The following PAAF1 variants were observed in gnomAD, a reference collection of about 807,000 sequenced individuals.
PAAF1 encodes proteasomal ATPase-associated factor 1.
PAAF1 carries 46 observed loss-of-function variants against 52.8 expected under a neutral mutation model. That is an observed-to-expected ratio of 0.87 (90% CI 0.69 to 1.11). The LOEUF (loss-of-function observed/expected upper bound fraction) is 1.11. Among genes scored for constraint, PAAF1 ranks in the 50% most tolerant of loss-of-function variants. PAAF1 has a pLI of 0.00. For synonymous variants in PAAF1, 178 were observed against 172.8 expected (o/e 1.03, Z -0.24); for missense variants, 424 against 477.4 (o/e 0.89, Z 1.04).
chr11:73,919,125 A>G, intron 10 of PAAF1, 93 bp downstream of exon 10: 1 of 1,057,658 alleles, frequency 9.5e-7, no homozygotes, highest in Non-Finnish European at 1.4e-6. Context: ...GGGTTGGGGC[A>G]TGGTCCCCCA....
In PAAF1 at chr11:73,916,534, C is replaced by T; in HGVS notation, c.820-11C>T. Reference sequence around the variant, plus strand: ...CTTTAAACAGCATTTTTGCCTCCTACTTGTTCCCAGGTGTTCCTCTTTATT... The same window carrying T: ...CTTTAAACAGCATTTTTGCCTCCTATTTGTTCCCAGGTGTTCCTCTTTATT... On this transcript the variant is annotated splice_polypyrimidine_tract_variant and intron_variant, in intron 8 of 11. Transcript: ENST00000310571. 1 of 1,588,358 alleles carries T rather than the reference C, an allele frequency of 6.3e-7. No homozygotes were observed. Among genetic ancestry groups the T allele is most frequent in the Non-Finnish European group, 8.6e-7 (1 of 1,162,964 alleles).
In PAAF1 at chr11:73,891,130, T is replaced by C; in HGVS notation, c.211T>C (p.Cys71Arg). 2 of 1,597,102 alleles carry C rather than the reference T, an allele frequency of 1.3e-6. No homozygotes were observed. Among genetic ancestry groups the C allele is most frequent in the East Asian group, 2.2e-5 (1 of 44,710 alleles). The part of the protein sequence containing the change: ...EINKKSIHIS[C>R]PKENASSKFL... ...TGTTTAGAAAAGCATTCATATTTCA[T>C]GTCCAAAGGAAAATGCATCTTCTAA... Residue 71 changes from cysteine to arginine, a missense_variant, in exon 4 of 12, where the codon TGT becomes CGT. Physicochemically the swap from Cys to Arg is radical, Grantham distance 180. Transcript: ENST00000310571.
chr11:73,908,337 GTGTATATA>G (rs1359341369), intron 6 of PAAF1, among the ~76,000 whole-genome samples: 1 of 111,444 alleles, frequency 9.0e-6, no homozygotes, highest in Non-Finnish European at 2.0e-5. Flanking sequence ...GTATATATAT[GTGTATATA>G]TGTGTATATA....
intron 4 of PAAF1, among the ~76,000 whole-genome samples, chr11:73,894,969 G>A (rs1362542976): frequency 2.0e-5 from 3 of 152,222 alleles, no homozygotes; most frequent in Non-Finnish European, 4.4e-5. Context: ...GGGTGACAGA[G>A]TGAGACCATG....
chr11:73,901,155 A>G, intron 6 of PAAF1, among the ~76,000 whole-genome samples: 1 of 152,226 alleles, frequency 6.6e-6, no homozygotes, highest in South Asian at 2.1e-4. Context: ...GGCTGAGGGA[A>G]CAGTAAAAGC....
In PAAF1 at chr11:73,887,429, A is replaced by T. The variant is rs960975754; in HGVS notation, c.164A>T (p.Glu55Val). ...LDGIPEVTAS[E>V]GFTVNEINKK... ...GGCATCCCAGAGGTTACAGCTTCAGAAGGATTTACTGTGAATGAAATAAAC... is the reference window on the plus strand; with the variant it reads ...GGCATCCCAGAGGTTACAGCTTCAGTAGGATTTACTGTGAATGAAATAAAC... The change falls in exon 3 of 12, where the codon GAA becomes GTA. Residue 55 changes from glutamate (E) to valine (V), a missense_variant. By Grantham distance (121) the Glu-to-Val change is moderately radical. Transcript: ENST00000310571. The T allele has an allele frequency of 5.0e-6, 8 of 1,608,510 alleles. No homozygotes were observed. In the African/African-American group the frequency reaches 1.1e-4, roughly 22 times the overall value.
intron 1 of PAAF1, 56 bp from the exon 2 acceptor site, chr11:73,878,723 A>C: frequency 6.6e-7 from 1 of 1,523,608 alleles, no homozygotes; most frequent in Non-Finnish European, 9.1e-7. Flanking sequence ...CCTTGTAACT[A>C]TGGGATCCTA....
intron 11 of PAAF1, among the ~76,000 whole-genome samples, chr11:73,924,945 G>A (rs1001476356): frequency 6.6e-6 from 1 of 152,014 alleles, no homozygotes; most frequent in South Asian, 2.1e-4. Context: ...TTGAGGTCAG[G>A]AGTTCAAGAC....
At chr11:73,900,515 C>T in intron 6 of PAAF1, 95 bp downstream of exon 6, 3 of 1,373,752 alleles carry the variant, frequency 2.2e-6, no homozygotes, top group Non-Finnish European at 2.9e-6. Context: ...CACAAATACA[C>T]AAATAATCCA....
At position 73,877,036 on chromosome 11, in the gene PAAF1, G is replaced by A; in HGVS notation, c.15G>A (p.Leu5=). The A allele has an allele frequency of 1.3e-6, 2 of 1,535,560 alleles. No individual in the cohort carries two copies. Among genetic ancestry groups the A allele is most frequent in the East Asian group, 5.0e-5 (2 of 39,606 alleles). Residue 5 remains leucine (L), a synonymous_variant, in exon 1 of 12, where the codon TTG becomes TTA. Transcript: ENST00000310571. MAAP[L]RIQSDWAQAL... is the part of the protein sequence containing the mutation. ...GCGGGGTCGAGATGGCGGCGCCTTT[G>A]AGGATTCAGAGCGACTGGGCGCAAG...
chr11:73,881,056 CTAAA>C (rs1333829921), intron 2 of PAAF1, among the ~76,000 whole-genome samples: 1 of 152,104 alleles, frequency 6.6e-6, no homozygotes, highest in Non-Finnish European at 1.5e-5. Context: ...TTTATTTTAA[CTAAA>C]ATATATAAAC....
rs796432942 is a variant in PAAF1, at chr11:73,893,758, A to G, written c.282+2557A>G. Among the ~76,000 whole-genome samples the G allele has an allele frequency of 4.4e-3, 651 of 148,686 alleles. 1 individual carries two copies. Among genetic ancestry groups the G allele is most frequent in the African/African-American group, 0.011 (432 of 40,408 alleles). On this transcript the variant is annotated intron_variant, in intron 4 of 11. Coordinates refer to ENST00000310571, the MANE Select transcript of PAAF1 (RefSeq NM_025155.3). ...GTCTCCAAAAAAAAAAAAAAAAAAA[A>G]AAAGAAAGAAAAAACTAAACGTGGG...
At position 73,916,348 on chromosome 11, in the gene PAAF1, A is replaced by G. The variant is rs567490149; in HGVS notation, c.820-197A>G. ...TATAACCTGCTCAAGTCCTTAGTCA[A>G]CCCCAGGTTCCTGAAATCCTGGGAG... On this transcript the variant is annotated intron_variant, in intron 8 of 11. Coordinates refer to ENST00000310571, the MANE Select transcript of PAAF1 (RefSeq NM_025155.3). Among the ~76,000 whole-genome samples, 175 of 152,280 alleles carry G rather than the reference A, an allele frequency of 1.1e-3. 1 individual carries two copies. The highest frequency in any genetic ancestry group is 6.8e-3 in the South Asian group (33 of 4,826).
At chr11:73,908,231 G>A (rs1565143382) in intron 6 of PAAF1, among the ~76,000 whole-genome samples, 10 of 148,694 alleles carry the variant, frequency 6.7e-5, no homozygotes, top group Non-Finnish European at 7.4e-5. Context: ...ATATATATAT[G>A]TGTGTATATA....
intron 11 of PAAF1, among the ~76,000 whole-genome samples, chr11:73,925,671 G>C (rs1386185688): frequency 6.6e-6 from 1 of 151,974 alleles, no homozygotes; most frequent in Non-Finnish European, 1.5e-5. Context: ...AAAAACAAAA[G>C]GGGAATATTT....
chr11:73,924,806 CT>C, intron 11 of PAAF1, 109 bp downstream of exon 11: 1 of 846,868 alleles, frequency 1.2e-6, no homozygotes, highest in Non-Finnish European at 1.9e-6. Context: ...TAAAATAGTG[CT>C]TATTGTATAA....
intron 2 of PAAF1, among the ~76,000 whole-genome samples, chr11:73,882,719 C>T (rs1948951391): frequency 6.6e-6 from 1 of 152,142 alleles, no homozygotes; most frequent in Non-Finnish European, 1.5e-5. Context: ...TCTTCTGCCT[C>T]AGCCTCCGAA....
intron 2 of PAAF1, chr11:73,886,950 G>A (rs892519663): frequency 1.2e-5 from 5 of 407,010 alleles, no homozygotes; most frequent in African/African-American, 8.4e-5. Context: ...AAAGATCCTG[G>A]CATCTCCCTT....
chr11:73,914,595 C>T, intron 8 of PAAF1, 91 bp downstream of exon 8: 1 of 1,040,600 alleles, frequency 9.6e-7, no homozygotes, highest in Non-Finnish European at 1.5e-6. Context: ...TCTACTTGCT[C>T]CCTGTGTTCA....
Sources: gnomAD v4.1 joint callset for allele counts (sites outside exome capture counted in the v4.1 genomes callset) on GRCh38, gnomAD v4.1.1 for gene constraint, MANE v1.5 for transcripts, NCBI Gene and HGNC (gene_info 2026-07-23, HGNC 2026-07-21) for gene names.